Variants in SLF1 observed in about 807,000 individuals in gnomAD.
The protein encoded by SLF1 is SMC5/6 complex localization factor 1, also known as SMC5-SMC6 complex localization factor protein 1.
In SLF1, 105 loss-of-function variants were observed where a neutral mutation model predicts 123.0. That is an observed-to-expected ratio of 0.85 (90% CI 0.73 to 1.00). The LOEUF (loss-of-function observed/expected upper bound fraction) is 1.00, where lower values mean the gene tolerates loss of function less well. Ranked by LOEUF, SLF1 falls within the 50% of genes least tolerant of loss-of-function variation. The pLI is 0.00. For synonymous variants in SLF1, 434 were observed against 406.6 expected (o/e 1.07, Z -0.81); for missense variants, 1,239 against 1,223.0 (o/e 1.01, Z -0.20).
chr5:94,641,122 T>C (rs1746391636), intron 4 of SLF1, among the ~76,000 whole-genome samples: 1 of 152,216 alleles, frequency 6.6e-6, no homozygotes, highest in African/African-American at 2.4e-5. Flanking sequence ...TTAGTATGGG[T>C]GATTGAGTTA....
chr5:94,686,507 A>G, intron 15 of SLF1, 66 bp from the exon 16 acceptor site: 1 of 1,538,388 alleles, frequency 6.5e-7, no homozygotes, highest in Non-Finnish European at 8.9e-7. Flanking sequence ...CACTAAGGAA[A>G]TAGCCTATGG....
rs376577751 is a variant in SLF1, at chr5:94,663,498, G to C, written c.1210-252G>C. ...GTCTCTGCTAAGAATACAAAAATCAGCTGGGTGTGGTGGCACGCATCCATA... is the reference window on the plus strand; with the variant it reads ...GTCTCTGCTAAGAATACAAAAATCACCTGGGTGTGGTGGCACGCATCCATA... On this transcript the variant is annotated intron_variant, in intron 10 of 20. Transcript: ENST00000265140. Among the ~76,000 whole-genome samples, 264 of 152,288 alleles carry C rather than the reference G, an allele frequency of 1.7e-3. 6 individuals are homozygous for C. In the South Asian group the frequency reaches 0.051, roughly 29 times the overall value.
intron 1 of SLF1, among the ~76,000 whole-genome samples, chr5:94,627,828 CA>C (rs979879381): frequency 2.7e-5 from 4 of 150,896 alleles, no homozygotes; most frequent in African/African-American, 9.7e-5. Flanking sequence ...TAGCGAACAA[CA>C]GTACTTTTTT....
chr5:94,689,397 A>C, intron 17 of SLF1, 76 bp from the exon 18 acceptor site: 2 of 1,440,362 alleles, frequency 1.4e-6, no homozygotes, highest in East Asian at 4.7e-5. Flanking sequence ...CTAGACTTTT[A>C]AAAAATACCA....
chr5:94,625,569 G>A (rs902606934), intron 1 of SLF1, among the ~76,000 whole-genome samples: 6 of 151,828 alleles, frequency 4.0e-5, no homozygotes, highest in African/African-American at 9.7e-5. Context: ...TTTTAGTAGA[G>A]ATGGGGTTTC....
chr5:94,626,818 T>G (rs1159918244), intron 1 of SLF1, among the ~76,000 whole-genome samples: 1 of 152,194 alleles, frequency 6.6e-6, no homozygotes, highest in Non-Finnish European at 1.5e-5. Context: ...TTTGCAAATA[T>G]GCAGATACAC....
In SLF1 at chr5:94,692,164, A is replaced by T; in HGVS notation, c.2603A>T (p.Asp868Val). 1 of 1,613,952 alleles carries T rather than the reference A, an allele frequency of 6.2e-7. No homozygotes were observed. The highest frequency in any genetic ancestry group is 8.5e-7 in the Non-Finnish European group (1 of 1,179,864). ...ATTTTGCAACGTTGTCCAGAGGTAG[A>T]TCTGCTCACTCAAGTGGACGGGGTG... ...QEILQRCPEV[D>V]LLTQVDGVTP... The change falls in exon 20 of 21, where the codon GAT becomes GTT. Residue 868 changes from aspartate to valine, a missense_variant. Physicochemically the swap from Asp to Val is radical, Grantham distance 152 (BLOSUM62 -3). Transcript: ENST00000265140.
chr5:94,686,451 G>A (rs1404962033), intron 15 of SLF1, 122 bp from the exon 16 acceptor site: 3 of 1,045,010 alleles, frequency 2.9e-6, no homozygotes, highest in East Asian at 2.5e-5. Flanking sequence ...AAATCATGTG[G>A]ATGAATCTTA....
rs139036714 is a variant in SLF1, at chr5:94,686,718, G to A, written c.2121G>A (p.Met707Ile). The change falls in exon 16 of 21, where the codon ATG becomes ATA. Residue 707 changes from methionine to isoleucine, a missense_variant and splice_region_variant. Physicochemically the swap from Met to Ile is conservative, Grantham distance 10. Coordinates refer to ENST00000265140, the MANE Select transcript of SLF1 (RefSeq NM_032290.4). The part of the protein sequence containing the change: ...VSSEPLSLQK[M>I]VYSYLPALGK... ...CTGAGCCACTCTCTCTTCAGAAAAT[G>A]GTAAGTACCTCTCTATTCTGGTTCT... is the stretch of plus-strand genomic sequence containing the variant. 8.7e-6 allele frequency: 14 copies of A among 1,612,932 alleles called. No homozygotes were observed. The African/African-American group carries it at 1.6e-4, about 18-fold the overall frequency.
chr5:94,667,697 T>A (rs781700969), intron 12 of SLF1, among the ~76,000 whole-genome samples: 15 of 152,202 alleles, frequency 9.9e-5, no homozygotes, highest in Non-Finnish European at 1.6e-4. Flanking sequence ...ATTTTCCATA[T>A]CCTGTCTTTT....
intron 15 of SLF1, among the ~76,000 whole-genome samples, chr5:94,681,269 A>G (rs1407228573): frequency 6.6e-6 from 1 of 152,000 alleles, no homozygotes; most frequent in Non-Finnish European, 1.5e-5. Flanking sequence ...AGCTGGGGTT[A>G]TAGGTGTATG....
At chr5:94,686,436 G>T in intron 15 of SLF1, 137 bp from the exon 16 acceptor site, 3 of 929,240 alleles carry the variant, frequency 3.2e-6, no homozygotes, top group South Asian at 3.7e-5. Context: ...ATTTTTTGTG[G>T]ATTAAAATCA....
chr5:94,651,302 C>A (rs765307749), intron 6 of SLF1, among the ~76,000 whole-genome samples: 1 of 152,122 alleles, frequency 6.6e-6, no homozygotes, highest in Non-Finnish European at 1.5e-5. Context: ...AAAACATATC[C>A]CCATCGTTAA....
chr5:94,680,911 T>A (rs1237155875), intron 15 of SLF1, among the ~76,000 whole-genome samples: 1 of 152,198 alleles, frequency 6.6e-6, no homozygotes, highest in East Asian at 1.9e-4. Context: ...TATGATCCTG[T>A]CACAGATTAT....
intron 4 of SLF1, among the ~76,000 whole-genome samples, chr5:94,639,037 C>CTTTTTTTTTTTTTTTTTTTT (rs764031689): frequency 6.7e-5 from 6 of 88,972 alleles, no homozygotes; most frequent in Non-Finnish European, 1.0e-4. Flanking sequence ...CTTTTCTTCC[C>CTTTTTTTTTTTTTTTTTTTT]TTTTTTTTTT....
chr5:94,632,606 T>C lies in SLF1; in HGVS notation c.431+1863T>C, dbSNP rs189082439. On this transcript the variant is annotated intron_variant, in intron 4 of 20. Coordinates refer to ENST00000265140, the MANE Select transcript of SLF1 (RefSeq NM_032290.4). ...AGGTATTTTGTGTTTTGGGGTGCTATTATAGATTGCTCTTAAACTTTTTAT... is the reference window on the plus strand; with the variant it reads ...AGGTATTTTGTGTTTTGGGGTGCTACTATAGATTGCTCTTAAACTTTTTAT... Among the ~76,000 whole-genome samples the C allele has an allele frequency of 1.8e-3, 267 of 152,350 alleles. 1 individual carries two copies. The highest frequency in any genetic ancestry group is 5.9e-3 in the African/African-American group (246 of 41,594).
chr5:94,642,567 G>A (rs1746566042), intron 4 of SLF1, among the ~76,000 whole-genome samples: 1 of 152,042 alleles, frequency 6.6e-6, no homozygotes, highest in African/African-American at 2.4e-5. Context: ...TGTTACCTCG[G>A]TTTTCTGATG....
At position 94,653,267 on chromosome 5, in the gene SLF1, T is replaced by G; in HGVS notation, c.883-5T>G. 1 of 1,518,240 alleles carries G rather than the reference T, an allele frequency of 6.6e-7. No homozygotes were observed. The highest frequency in any genetic ancestry group is 8.8e-7 in the Non-Finnish European group (1 of 1,133,016). The allele number at this position is 1,518,240 out of a possible 1,614,324, so 94.0% of individuals were successfully genotyped here. Reference sequence around the variant, plus strand: ...GAGATTTAATTGTGGTCTAAATACATGTAGAAGGAAATTAAGAAAAAAGAT... The same window carrying G: ...GAGATTTAATTGTGGTCTAAATACAGGTAGAAGGAAATTAAGAAAAAAGAT... On this transcript the variant is annotated splice_polypyrimidine_tract_variant and splice_region_variant and intron_variant, in intron 7 of 20. Transcript: ENST00000265140.
intron 20 of SLF1, 105 bp from the exon 21 acceptor site, chr5:94,694,726 A>G: frequency 7.3e-7 from 1 of 1,364,580 alleles, no homozygotes; most frequent in South Asian, 1.5e-5. Context: ...ACAAAATATG[A>G]TTGCAAAGAA....
Sources: allele counts gnomAD v4.1 joint callset (sites outside exome capture counted in the v4.1 genomes callset), GRCh38; gene constraint gnomAD v4.1.1; transcripts MANE v1.5; gene names NCBI Gene and HGNC (gene_info 2026-07-23, HGNC 2026-07-21).